Variants in GRID2 observed in about 807,000 individuals in gnomAD.
The protein encoded by GRID2 is glutamate receptor ionotropic, delta-2.
In GRID2, 33 loss-of-function variants were observed where a neutral mutation model predicts 114.8. The ratio of observed to expected loss-of-function variants is 0.29; its 90% confidence interval spans 0.22 to 0.38. GRID2 has a LOEUF of 0.38. Among genes scored for constraint, GRID2 ranks in the 10% least tolerant of loss-of-function variants. The pLI is 1.00. For missense variants in GRID2, 1,184 were observed against 1,257.7 expected (o/e 0.94, Z 0.89); for synonymous variants, 505 against 449.9 (o/e 1.12, Z -1.55).
At chr4:93,563,468 A>G (rs1735109676) in intron 13 of GRID2, among the ~76,000 whole-genome samples, 1 of 151,942 alleles carries the variant, frequency 6.6e-6, no homozygotes, top group South Asian at 2.1e-4. Flanking sequence ...AAACTAAATA[A>G]GCTTATCTTT....
At chr4:93,798,969 G>A (rs918091558) in intron 1 of GRID2, among the ~76,000 whole-genome samples, 2 of 152,302 alleles carry the variant, frequency 1.3e-5, no homozygotes, top group East Asian at 1.9e-4. Flanking sequence ...AAAGCAGGGG[G>A]TAGGCAATAT....
At chr4:92,457,455 T>C (rs569739324) in intron 1 of GRID2, among the ~76,000 whole-genome samples, 43 of 152,204 alleles carry the variant, frequency 2.8e-4, no homozygotes, top group African/African-American at 8.9e-4. Flanking sequence ...TGAATAAATA[T>C]ATGAGAAGAA....
chr4:93,253,582 C>G (rs1356497584), intron 8 of GRID2, among the ~76,000 whole-genome samples: 1 of 151,788 alleles, frequency 6.6e-6, no homozygotes, highest in East Asian at 1.9e-4. Flanking sequence ...ATGTTGAAAT[C>G]CAAAGATTTA....
intron 6 of GRID2, among the ~76,000 whole-genome samples, chr4:93,222,361 G>A (rs1744981503): frequency 6.6e-6 from 1 of 151,926 alleles, no homozygotes. Flanking sequence ...GATTCTCCTA[G>A]CATGTAAGCT....
intron 2 of GRID2, among the ~76,000 whole-genome samples, chr4:92,864,680 C>G (rs955965010): frequency 1.3e-5 from 2 of 152,182 alleles, no homozygotes; most frequent in African/African-American, 4.8e-5. Flanking sequence ...ATAGATACTA[C>G]TACTAGGCCT....
At chr4:93,616,272 A>C (rs1460039492) in intron 13 of GRID2, among the ~76,000 whole-genome samples, 1 of 152,108 alleles carries the variant, frequency 6.6e-6, no homozygotes, top group Non-Finnish European at 1.5e-5. Context: ...GGCCGGGCAC[A>C]GTGGCTCTCG....
intron 4 of GRID2, among the ~76,000 whole-genome samples, chr4:93,194,749 C>G (rs1741315898): frequency 6.6e-6 from 1 of 152,168 alleles, no homozygotes; most frequent in Admixed American, 6.6e-5. Flanking sequence ...CTTCATAAAA[C>G]AGTGGATCTC....
intron 2 of GRID2, among the ~76,000 whole-genome samples, chr4:93,042,791 A>G (rs1483296502): frequency 1.3e-5 from 2 of 151,062 alleles, no homozygotes; most frequent in Admixed American, 6.6e-5. Flanking sequence ...ATTAAGACCT[A>G]TGTGAATAAA....
intron 8 of GRID2, among the ~76,000 whole-genome samples, chr4:93,334,871 C>T (rs978099311): frequency 4.0e-5 from 6 of 151,770 alleles, no homozygotes; most frequent in African/African-American, 7.3e-5. Flanking sequence ...GCAGAGGTTG[C>T]GGTGAGCTGA....
chr4:93,149,745 T>G (rs1475544807), intron 4 of GRID2, among the ~76,000 whole-genome samples: 3 of 152,074 alleles, frequency 2.0e-5, no homozygotes, highest in Non-Finnish European at 4.4e-5. Context: ...ATGATTCTCC[T>G]GCCTCAGCCT....
chr4:92,986,904 G>T (rs1345335309), intron 2 of GRID2, among the ~76,000 whole-genome samples: 1 of 152,156 alleles, frequency 6.6e-6, no homozygotes, highest in Non-Finnish European at 1.5e-5. Context: ...TTGGTGAGTT[G>T]ACAGAAACTG....
chr4:92,808,976 A>G (rs1740545284), intron 2 of GRID2, among the ~76,000 whole-genome samples: 1 of 152,088 alleles, frequency 6.6e-6, no homozygotes, highest in Admixed American at 6.6e-5. Flanking sequence ...CAAATAGGGT[A>G]TAAAAATGAA....
At chr4:93,519,207 T>C (rs2149495851) in intron 13 of GRID2, among the ~76,000 whole-genome samples, 1 of 152,226 alleles carries the variant, frequency 6.6e-6, no homozygotes, top group East Asian at 1.9e-4. Context: ...CAGGAGAGTT[T>C]TGAACTGAAG....
chr4:93,394,829 C>G (rs1272476729), intron 8 of GRID2, among the ~76,000 whole-genome samples: 1 of 151,942 alleles, frequency 6.6e-6, no homozygotes, highest in Non-Finnish European at 1.5e-5. Context: ...TAATTCAAGT[C>G]AAATCATCTC....
At chr4:92,544,754 T>A (rs1726155460) in intron 1 of GRID2, among the ~76,000 whole-genome samples, 1 of 152,188 alleles carries the variant, frequency 6.6e-6, no homozygotes, top group Admixed American at 6.5e-5. Flanking sequence ...TAACCAATAT[T>A]ATGTGTTAGC....
At chr4:93,145,736 A>C (rs935875092) in intron 4 of GRID2, among the ~76,000 whole-genome samples, 13 of 131,314 alleles carry the variant, frequency 9.9e-5, no homozygotes, top group African/African-American at 3.8e-4. Flanking sequence ...CCTCAAGTGA[A>C]CTGGCCGCCT....
Position 93,145,471 on chromosome 4 carries a change from AT to A in GRID2, c.735+34527del, listed in dbSNP as rs1212438910. Among the ~76,000 whole-genome samples the A allele has an allele frequency of 7.6e-5, 11 of 144,800 alleles. No homozygotes were observed. The South Asian group carries it at 1.9e-3, about 26-fold the overall frequency. The allele number at this position is 144,800 out of a possible 152,430, so 95.0% of individuals were successfully genotyped here. On this transcript the variant is annotated intron_variant, in intron 4 of 15. Coordinates refer to ENST00000282020, the MANE Select transcript of GRID2 (RefSeq NM_001510.4). Reference sequence around the variant, plus strand: ...TGTATTTGTATTTATTTATTTATTTATTTTTTTTTGAGACAGTTTCACTCTT... The same window carrying A: ...TGTATTTGTATTTATTTATTTATTTATTTTTTTTGAGACAGTTTCACTCTT...
intron 8 of GRID2, among the ~76,000 whole-genome samples, chr4:93,282,801 C>T (rs1213600184): frequency 1.3e-5 from 2 of 151,966 alleles, no homozygotes; most frequent in African/African-American, 4.8e-5. Context: ...GTACAGGCCC[C>T]TCACCTGCTT....
At chr4:92,371,382 A>G (rs1247731758) in intron 1 of GRID2, among the ~76,000 whole-genome samples, 1 of 152,186 alleles carries the variant, frequency 6.6e-6, no homozygotes, top group African/African-American at 2.4e-5. Flanking sequence ...TTTAAGGGAC[A>G]GGCTGACTCT....
Sources: allele counts gnomAD v4.1 joint callset (sites outside exome capture counted in the v4.1 genomes callset), GRCh38; gene constraint gnomAD v4.1.1; transcripts MANE v1.5; gene names NCBI Gene and HGNC (gene_info 2026-07-23, HGNC 2026-07-21).